Variants in PRKN observed in about 807,000 individuals in gnomAD.
The protein encoded by PRKN is parkin RBR E3 ubiquitin protein ligase, also known as E3 ubiquitin-protein ligase parkin.
Under a neutral mutation model 59.5 loss-of-function variants are expected in PRKN, and 56 were observed. That is an observed-to-expected ratio of 0.94 (90% CI 0.76 to 1.18). The LOEUF (loss-of-function observed/expected upper bound fraction) is 1.18. Ranked by LOEUF, PRKN falls within the 50% of genes most tolerant of loss-of-function variation. The pLI, the probability that PRKN is intolerant of heterozygous loss-of-function variation, is 0.00. For missense variants in PRKN, 657 were observed against 596.4 expected, an observed-to-expected ratio of 1.10 and a Z score of -1.06; for synonymous variants, 250 against 222.1, an observed-to-expected ratio of 1.13 and a Z score of -1.12.
chr6:162,557,352 GCCTAGTCCCAACA>G (rs1399364617), intron 1 of PRKN, among the ~76,000 whole-genome samples: 2 of 152,176 alleles, frequency 1.3e-5, no homozygotes, highest in Non-Finnish European at 2.9e-5. Context: ...GCTTCCCTGA[GCCTAGTCCCAACA>G]CCATTCCCCC....
chr6:162,456,375 A>T (rs1420074259), intron 1 of PRKN, among the ~76,000 whole-genome samples: 1 of 152,136 alleles, frequency 6.6e-6, no homozygotes, highest in Non-Finnish European at 1.5e-5. Context: ...GAAACCATTC[A>T]CCCAAATATA....
At chr6:161,805,789 G>A (rs1180705731) in intron 6 of PRKN, among the ~76,000 whole-genome samples, 1 of 152,146 alleles carries the variant, frequency 6.6e-6, no homozygotes, top group African/African-American at 2.4e-5. Context: ...GGGGTGGTTG[G>A]GGGTGGAGGG....
chr6:162,208,270 A>C (rs1785044645), intron 3 of PRKN, among the ~76,000 whole-genome samples: 2 of 152,208 alleles, frequency 1.3e-5, no homozygotes, highest in South Asian at 2.1e-4. Context: ...ACTCCTGTGG[A>C]GTAACCAAGG....
intron 5 of PRKN, among the ~76,000 whole-genome samples, chr6:161,985,123 T>G (rs1781389062): frequency 6.6e-6 from 1 of 152,328 alleles, no homozygotes; most frequent in South Asian, 2.1e-4. Context: ...TCGCAGTGAC[T>G]TATGCGATGT....
At position 161,362,799 on chromosome 6, in the gene PRKN, C is replaced by T. The variant is rs1785027689; in HGVS notation, c.1168-2594G>A. ...AAAGCCAAACCTCAAGGAAATTACACAAATAAAATTCTAAGAAATCTGGGA... is the reference window on the plus strand; with the variant it reads ...AAAGCCAAACCTCAAGGAAATTACATAAATAAAATTCTAAGAAATCTGGGA... On this transcript the variant is annotated intron_variant, in intron 10 of 11. Coordinates refer to ENST00000366898, the MANE Select transcript of PRKN (RefSeq NM_004562.3). The surrounding 1 kb of genome is among the most constrained non-coding windows in gnomAD (Gnocchi z 5.2). Among the ~76,000 whole-genome samples, 1 of 152,116 alleles carries T rather than the reference C, an allele frequency of 6.6e-6. No individual in the cohort carries two copies. The highest frequency in any genetic ancestry group is 1.5e-5 in the Non-Finnish European group (1 of 68,028).
intron 1 of PRKN, among the ~76,000 whole-genome samples, chr6:162,447,218 C>A (rs1453901984): frequency 6.6e-6 from 1 of 152,026 alleles, no homozygotes; most frequent in Non-Finnish European, 1.5e-5. Context: ...AAAGCAGTGT[C>A]CTTTGCTTGC....
intron 4 of PRKN, among the ~76,000 whole-genome samples, chr6:162,061,145 C>T (rs991002170): frequency 6.6e-6 from 1 of 152,122 alleles, no homozygotes. Context: ...TATATGTTCC[C>T]GAGCTAGTTG....
intron 7 of PRKN, among the ~76,000 whole-genome samples, chr6:161,585,303 G>T (rs1781482026): frequency 1.3e-5 from 2 of 152,164 alleles, no homozygotes; most frequent in African/African-American, 4.8e-5. Flanking sequence ...TGGTTTTCTT[G>T]TATTTGTGAA....
chr6:162,339,018 A>G (rs1322050463), intron 2 of PRKN, among the ~76,000 whole-genome samples: 5 of 130,032 alleles, frequency 3.8e-5, no homozygotes, highest in East Asian at 2.5e-4. Context: ...CTGCCCGGCA[A>G]CCACCCCGTC....
chr6:161,725,870 C>T (rs1478345230), intron 7 of PRKN, among the ~76,000 whole-genome samples: 3 of 152,216 alleles, frequency 2.0e-5, no homozygotes, highest in Non-Finnish European at 4.4e-5. Context: ...CTCCCATCCT[C>T]GGTCATTGCT....
At chr6:162,125,033 T>C (rs867897612) in intron 4 of PRKN, among the ~76,000 whole-genome samples, 1 of 152,150 alleles carries the variant, frequency 6.6e-6, no homozygotes, top group Admixed American at 6.6e-5. Flanking sequence ...CGGCATCAAG[T>C]ACGATTATTA....
At chr6:162,660,718 C>A (rs948803421) in intron 1 of PRKN, among the ~76,000 whole-genome samples, 6 of 152,104 alleles carry the variant, frequency 3.9e-5, no homozygotes, top group Non-Finnish European at 8.8e-5. Context: ...AGACATTCAA[C>A]AAAGTAAAGA....
chr6:161,927,773 TA>T (rs933418797), intron 6 of PRKN, among the ~76,000 whole-genome samples: 6,026 of 143,784 alleles, frequency 0.042, 368 homozygotes, highest in African/African-American at 0.14. Flanking sequence ...AAACTCTGTT[TA>T]AAAAAAAAAA....
intron 6 of PRKN, among the ~76,000 whole-genome samples, chr6:161,798,773 C>T (rs543697146): frequency 3.3e-5 from 5 of 152,260 alleles, no homozygotes; most frequent in East Asian, 3.9e-4. Context: ...AGTTTTAAGG[C>T]TCCTTTGTTC....
intron 6 of PRKN, among the ~76,000 whole-genome samples, chr6:161,858,969 C>T (rs1793775072): frequency 2.6e-5 from 1 of 38,014 alleles, no homozygotes; most frequent in South Asian, 1.3e-3. Context: ...TCAAGCGATT[C>T]TCCTATTCTC....
At chr6:161,673,224 G>A (rs150346054) in intron 7 of PRKN, among the ~76,000 whole-genome samples, 25 of 152,314 alleles carry the variant, frequency 1.6e-4, no homozygotes, top group Non-Finnish European at 2.8e-4. Context: ...CATGCACACC[G>A]CAGGAGACAA....
intron 2 of PRKN, among the ~76,000 whole-genome samples, chr6:162,273,519 A>G (rs1337974028): frequency 6.6e-6 from 1 of 152,248 alleles, no homozygotes; most frequent in Non-Finnish European, 1.5e-5. Context: ...TACTTTATTT[A>G]CTAAGTTGAT....
At chr6:162,708,771 T>C (rs756046484) in intron 1 of PRKN, among the ~76,000 whole-genome samples, 12 of 152,188 alleles carry the variant, frequency 7.9e-5, no homozygotes, top group Admixed American at 2.0e-4. Context: ...AAGAGCCTTG[T>C]TGGGAGAGCA....
chr6:161,615,001 AC>A (rs1782638775), intron 7 of PRKN, among the ~76,000 whole-genome samples: 1 of 149,362 alleles, frequency 6.7e-6, no homozygotes. Context: ...GAGAGAGAGA[AC>A]ACTGAAACTG....
Sources: allele counts gnomAD v4.1 joint callset (sites outside exome capture counted in the v4.1 genomes callset), GRCh38; gene constraint gnomAD v4.1.1; non-coding constraint Gnocchi (gnomAD v3.1); transcripts MANE v1.5; gene names NCBI Gene and HGNC (gene_info 2026-07-23, HGNC 2026-07-21).